Variants in RALGPS1 observed in about 807,000 individuals in gnomAD.
The protein encoded by RALGPS1 is ras-specific guanine nucleotide-releasing factor RalGPS1.
RALGPS1 carries 19 observed loss-of-function variants against 78.8 expected under a neutral mutation model. That is an observed-to-expected ratio of 0.24 (90% confidence interval 0.17 to 0.35). The LOEUF is 0.35. Ranked by LOEUF, RALGPS1 falls within the 10% of genes least tolerant of loss-of-function variation. RALGPS1 has a pLI of 1.00. For synonymous variants in RALGPS1, 228 were observed against 256.3 expected (o/e 0.89, Z 1.06); for missense variants, 454 against 688.3 (o/e 0.66, Z 3.81).
At chr9:127,083,163 C>T (rs367874765) in intron 8 of RALGPS1, among the ~76,000 whole-genome samples, 2 of 152,182 alleles carry the variant, frequency 1.3e-5, no homozygotes, top group African/African-American at 4.8e-5. Context: ...AGACACCCAG[C>T]CTGTGACCCC....
At chr9:126,940,831 G>T (rs559156273) in intron 1 of RALGPS1, among the ~76,000 whole-genome samples, 1 of 152,242 alleles carries the variant, frequency 6.6e-6, no homozygotes, top group East Asian at 1.9e-4. Flanking sequence ...CCTGGGAACC[G>T]CTGTCTTTAA....
intron 4 of RALGPS1, among the ~76,000 whole-genome samples, chr9:126,985,293 T>C (rs1192388280): frequency 6.6e-6 from 1 of 152,216 alleles, no homozygotes; most frequent in African/African-American, 2.4e-5. Flanking sequence ...GAAGTCTAGA[T>C]TCCACACTGA....
At chr9:127,022,472 G>A (rs1032479447) in intron 4 of RALGPS1, among the ~76,000 whole-genome samples, 17 of 151,818 alleles carry the variant, frequency 1.1e-4, no homozygotes, top group African/African-American at 4.1e-4. Context: ...AGGGTTTGGG[G>A]AGCCACCTCT....
chr9:126,925,651 A>G (rs938981576), intron 1 of RALGPS1, among the ~76,000 whole-genome samples: 1 of 152,136 alleles, frequency 6.6e-6, no homozygotes, highest in East Asian at 1.9e-4. Context: ...CCCAGAGTTG[A>G]GTCTAGCTTG....
intron 5 of RALGPS1, among the ~76,000 whole-genome samples, chr9:127,043,108 T>C (rs938855194): frequency 6.6e-6 from 1 of 152,206 alleles, no homozygotes; most frequent in Non-Finnish European, 1.5e-5. Flanking sequence ...ACTTGATCAA[T>C]AGATCCAGTG....
intron 1 of RALGPS1, among the ~76,000 whole-genome samples, chr9:126,953,578 AATTT>A (rs895293734): frequency 6.6e-6 from 1 of 152,198 alleles, no homozygotes; most frequent in Admixed American, 6.5e-5. Flanking sequence ...CCTACAGTTT[AATTT>A]ATCTCTCTGA....
At chr9:127,059,314 G>C (rs1282078578) in intron 7 of RALGPS1, among the ~76,000 whole-genome samples, 1 of 152,066 alleles carries the variant, frequency 6.6e-6, no homozygotes, top group East Asian at 1.9e-4. Flanking sequence ...GAGGCGATAA[G>C]GAGATAGATG....
intron 11 of RALGPS1, among the ~76,000 whole-genome samples, chr9:127,181,010 A>G (rs2060184131): frequency 6.6e-6 from 1 of 152,200 alleles, no homozygotes; most frequent in Non-Finnish European, 1.5e-5. Flanking sequence ...ACCCAGAGCA[A>G]ATGGCTAAGG....
At chr9:127,208,576 G>A (rs117085276) in intron 14 of RALGPS1, among the ~76,000 whole-genome samples, 55 of 152,186 alleles carry the variant, frequency 3.6e-4, no homozygotes, top group East Asian at 3.9e-4. Flanking sequence ...ACAAAGCTTC[G>A]GTGGCAGCGC....
chr9:127,093,922 T>A, intron 8 of RALGPS1: 1 of 1,613,620 alleles, frequency 6.2e-7, no homozygotes, highest in Non-Finnish European at 8.5e-7. Flanking sequence ...AGTCTCTCCA[T>A]GGGCCTGGGG....
chr9:127,186,029 C>G (rs2060621296), intron 11 of RALGPS1, among the ~76,000 whole-genome samples: 1 of 152,156 alleles, frequency 6.6e-6, no homozygotes, highest in African/African-American at 2.4e-5. Flanking sequence ...GCCTTCAGAT[C>G]CTGAGTCTTT....
At chr9:126,924,794 G>A (rs2035108806) in intron 1 of RALGPS1, among the ~76,000 whole-genome samples, 1 of 152,248 alleles carries the variant, frequency 6.6e-6, no homozygotes, top group South Asian at 2.1e-4. Flanking sequence ...AGGGTCTACT[G>A]AGTGCCAGTG....
chr9:127,013,641 A>G (rs961002797), intron 4 of RALGPS1, among the ~76,000 whole-genome samples: 5 of 151,986 alleles, frequency 3.3e-5, no homozygotes, highest in Admixed American at 2.0e-4. Context: ...CCGTTGCCCA[A>G]TCTGTGGTTT....
intron 8 of RALGPS1, among the ~76,000 whole-genome samples, chr9:127,132,059 C>T (rs1211043071): frequency 6.6e-6 from 1 of 152,138 alleles, no homozygotes; most frequent in Non-Finnish European, 1.5e-5. Context: ...ACTGGGCTGG[C>T]AGTGACCATA....
intron 8 of RALGPS1, among the ~76,000 whole-genome samples, chr9:127,078,815 C>G (rs1468826780): frequency 6.6e-6 from 1 of 152,164 alleles, no homozygotes; most frequent in Non-Finnish European, 1.5e-5. Context: ...TCTTTGACTT[C>G]CTTTAGTTTT....
intron 1 of RALGPS1, among the ~76,000 whole-genome samples, chr9:126,917,475 A>G (rs1024791074): frequency 5.9e-5 from 9 of 152,302 alleles, no homozygotes; most frequent in African/African-American, 2.2e-4. Context: ...CCTTTTCAGT[A>G]TGGAGGGTAA....
chr9:127,178,500 T>C (rs770734535), intron 11 of RALGPS1: 3 of 988,978 alleles, frequency 3.0e-6, no homozygotes, highest in Non-Finnish European at 3.6e-6. Flanking sequence ...CATGGTGATG[T>C]GATTATCATA....
At chr9:127,102,231 T>G (rs1350478459) in intron 8 of RALGPS1, among the ~76,000 whole-genome samples, 1 of 152,210 alleles carries the variant, frequency 6.6e-6, no homozygotes, top group Non-Finnish European at 1.5e-5. Flanking sequence ...GACTGGGTAA[T>G]TTATAAAGAA....
intron 4 of RALGPS1, among the ~76,000 whole-genome samples, chr9:126,998,148 A>T (rs540538397): frequency 1.3e-5 from 2 of 152,344 alleles, no homozygotes; most frequent in East Asian, 3.9e-4. Context: ...AGCAATGGCA[A>T]CAAAAGCCAG....
Sources: allele counts gnomAD v4.1 joint callset (sites outside exome capture counted in the v4.1 genomes callset), GRCh38; gene constraint gnomAD v4.1.1; transcripts MANE v1.5; gene names NCBI Gene and HGNC (gene_info 2026-07-23, HGNC 2026-07-21).